Variants in FAAH2 observed in about 807,000 individuals in gnomAD.
FAAH2 encodes the protein fatty-acid amide hydrolase 2.
In FAAH2, 60 loss-of-function variants were observed where a neutral mutation model predicts 36.9. The ratio of observed to expected loss-of-function variants is 1.63; its 90% CI spans 1.32 to 2.02. The LOEUF (loss-of-function observed/expected upper bound fraction) is 2.02, where lower values mean the gene tolerates loss of function less well. Among genes scored for constraint, FAAH2 ranks in the 30% most tolerant of loss-of-function variants. The probability of loss-of-function intolerance (pLI) is 0.00; values close to 1 mark genes in which losing one functional copy is unlikely to be tolerated. For missense variants in FAAH2, 689 were observed against 397.5 expected (o/e 1.73, Z -6.23); for synonymous variants, 214 against 143.8 (o/e 1.49, Z -3.49).
At chrX:57,239,925 G>A in the FAAH2 span, among the ~76,000 whole-genome samples, 2 of 111,728 alleles carry the variant, frequency 1.8e-5, no homozygotes, top group Non-Finnish European at 3.8e-5. Context: ...TCTTTCAGTT[G>A]TTGAATCATT....
the FAAH2 span, among the ~76,000 whole-genome samples, chrX:57,142,002 C>G: frequency 2.7e-5 from 3 of 110,687 alleles, no homozygotes; most frequent in South Asian, 1.1e-3. Context: ...TTATTTGAGT[C>G]TTCTCTTAGT....
chrX:57,122,085 C>A, the FAAH2 span: 3 of 110,960 alleles, frequency 2.7e-5, no homozygotes, highest in African/African-American at 9.9e-5. Context: ...AAGATAATTG[C>A]ATGTACAACG....
At chrX:57,320,564 G>A (rs1351756262) in intron 3 of FAAH2, among the ~76,000 whole-genome samples, 1 of 112,463 alleles carries the variant, frequency 8.9e-6, no homozygotes, top group Non-Finnish European at 1.9e-5. Flanking sequence ...CTTTTACATT[G>A]TTGGTGGGAG....
chrX:57,337,735 G>C (rs1457127935), intron 4 of FAAH2, among the ~76,000 whole-genome samples: 2 of 111,674 alleles, frequency 1.8e-5, no homozygotes, highest in Non-Finnish European at 3.8e-5. Flanking sequence ...TAATAAACTA[G>C]GTATTGAAGG....
chrX:57,154,098 A>T, the FAAH2 span, among the ~76,000 whole-genome samples: 91 of 110,843 alleles, frequency 8.2e-4, 1 homozygote, highest in Admixed American at 8.7e-3. Context: ...TTAAAGCAAA[A>T]CCTTGTCTTT....
At chrX:57,154,248 C>T in the FAAH2 span, among the ~76,000 whole-genome samples, 2 of 106,548 alleles carry the variant, frequency 1.9e-5, no homozygotes, top group South Asian at 8.4e-4. Flanking sequence ...CTGAAGATTT[C>T]TCCCCTCATA....
intron 3 of FAAH2, among the ~76,000 whole-genome samples, chrX:57,317,019 A>C (rs760761828): frequency 3.7e-4 from 41 of 112,136 alleles, no homozygotes; most frequent in African/African-American, 1.3e-3. Context: ...CAGAATCTAT[A>C]AGGAACTTAA....
At chrX:57,227,414 C>G in the FAAH2 span, among the ~76,000 whole-genome samples, 1 of 111,179 alleles carries the variant, frequency 9.0e-6, no homozygotes, top group African/African-American at 3.3e-5. Context: ...TGATTGTTGT[C>G]TCTCTTCTGG....
chrX:57,221,198 G>A, the FAAH2 span, among the ~76,000 whole-genome samples: 3 of 110,268 alleles, frequency 2.7e-5, no homozygotes, highest in Non-Finnish European at 5.7e-5. Flanking sequence ...ACTCTCCTAG[G>A]CAGAAATATC....
chrX:57,386,135 G>T (rs189531287), intron 7 of FAAH2, among the ~76,000 whole-genome samples: 2 of 110,984 alleles, frequency 1.8e-5, no homozygotes, highest in African/African-American at 3.3e-5. Context: ...TAATTTTTAC[G>T]TGTATTAAGA....
chrX:57,299,971 G>A (rs1340346252), intron 2 of FAAH2, among the ~76,000 whole-genome samples: 3 of 111,385 alleles, frequency 2.7e-5, no homozygotes, highest in Non-Finnish European at 5.7e-5. Flanking sequence ...ACAAACAAAT[G>A]GAAGAAAATT....
intron 5 of FAAH2, among the ~76,000 whole-genome samples, chrX:57,343,133 A>G (rs1276568706): frequency 2.7e-5 from 3 of 111,932 alleles, no homozygotes; most frequent in Admixed American, 9.5e-5. Context: ...TCCTTGGAGT[A>G]TATATCTGGT....
In FAAH2 at chrX:57,306,910, C is replaced by CA. The variant is rs1328124610; in HGVS notation, c.276-3683_276-3682insA. Among the ~76,000 whole-genome samples, 155 of 80,153 alleles carry CA rather than the reference C, an allele frequency of 1.9e-3. 3 individuals carry two copies. Among genetic ancestry groups the CA allele is most frequent in the African/African-American group, 6.3e-3 (151 of 23,927 alleles). 69.6% of individuals were successfully genotyped at this position (80,153 alleles called of 115,157 possible). A position where few individuals can be genotyped will look rare whatever the true frequency, so the allele number is the denominator to read the frequency against. ...ATACACCATATATACATATATAGTACTATATAGTATATATAGTGTGTATAT... is the reference window on the plus strand; with the variant it reads ...ATACACCATATATACATATATAGTACATATATAGTATATATAGTGTGTATAT... On this transcript the variant is annotated intron_variant, in intron 2 of 10. Transcript: ENST00000374900.
At chrX:57,300,377 A>G (rs957277349) in intron 2 of FAAH2, among the ~76,000 whole-genome samples, 5 of 112,078 alleles carry the variant, frequency 4.5e-5, no homozygotes, top group Non-Finnish European at 7.5e-5. Flanking sequence ...TATTTAATAA[A>G]TGGTTCTGTG....
At chrX:57,321,072 G>A (rs1003927985) in intron 3 of FAAH2, among the ~76,000 whole-genome samples, 2 of 110,269 alleles carry the variant, frequency 1.8e-5, no homozygotes, top group Non-Finnish European at 3.8e-5. Flanking sequence ...TCTAGGAGGC[G>A]GAGTTTGCAG....
chrX:57,453,997 G>A (rs1177443375), intron 10 of FAAH2, among the ~76,000 whole-genome samples: 1 of 111,114 alleles, frequency 9.0e-6, no homozygotes, highest in African/African-American at 3.3e-5. Context: ...AAGAAGTGAG[G>A]GCATGGAACC....
chrX:57,467,826 A>G (rs1317668491), intron 10 of FAAH2, among the ~76,000 whole-genome samples: 1 of 112,083 alleles, frequency 8.9e-6, no homozygotes, highest in African/African-American at 3.2e-5. Flanking sequence ...ACCTCCAAGT[A>G]GCCTAACTGA....
the FAAH2 span, among the ~76,000 whole-genome samples, chrX:57,131,619 G>A: frequency 9.0e-6 from 1 of 111,629 alleles, no homozygotes. Flanking sequence ...CTCTCAAATG[G>A]TTACAAACTT....
chrX:57,332,246 T>A (rs981074124), intron 4 of FAAH2, among the ~76,000 whole-genome samples: 2 of 112,193 alleles, frequency 1.8e-5, no homozygotes, highest in Non-Finnish European at 1.9e-5. Flanking sequence ...TCACATGAAG[T>A]AGGTGCTCAT....
Sources: gnomAD v4.1 joint callset for allele counts (sites outside exome capture counted in the v4.1 genomes callset) on GRCh38, gnomAD v4.1.1 for gene constraint, MANE v1.5 for transcripts, NCBI Gene and HGNC (gene_info 2026-07-23, HGNC 2026-07-21) for gene names.